CFAP44: variants seen among roughly 807,000 people sequenced by gnomAD.
The protein encoded by CFAP44 is cilia- and flagella-associated protein 44.
In CFAP44, 134 loss-of-function variants were observed where a neutral mutation model predicts 216.2. The ratio of observed to expected loss-of-function variants is 0.62; its 90% CI spans 0.54 to 0.72. The LOEUF is 0.72. CFAP44 is among the 30% of genes least tolerant of loss of function. CFAP44 has a pLI of 0.00. For missense variants in CFAP44, 2,035 were observed against 2,182.1 expected, an observed-to-expected ratio of 0.93 and a Z score of 1.34; for synonymous variants, 700 against 727.6, an observed-to-expected ratio of 0.96 and a Z score of 0.61.
chr3:113,341,915 C>G lies in CFAP44; in HGVS notation c.3266G>C (p.Gly1089Ala), dbSNP rs1006738984. 3 of 1,517,154 alleles carry G rather than the reference C, an allele frequency of 2.0e-6. No homozygotes were observed. Among genetic ancestry groups the G allele is most frequent in the Non-Finnish European group, 2.6e-6 (3 of 1,142,128 alleles). The allele number at this position is 1,517,154 out of a possible 1,614,324, so 94.0% of individuals were successfully genotyped here. The change falls in exon 24 of 35, where the codon GGG (glycine) becomes GCG (alanine). Residue 1089 changes from glycine (G) to alanine (A), a missense_variant. Gly to Ala is a moderately conservative substitution (Grantham distance 60). Transcript: ENST00000393845. ...GRKDSQRDAG[G>A]SVTIQEESII... ...TGATTCTTCTTGTATGGTAACACTC[C>G]CACCTACATAGAGAATCAACATTTT... is the stretch of plus-strand genomic sequence containing the variant.
intron 23 of CFAP44, among the ~76,000 whole-genome samples, chr3:113,344,138 C>A (rs543534098): frequency 6.6e-6 from 1 of 152,298 alleles, no homozygotes; most frequent in East Asian, 1.9e-4. Flanking sequence ...GAATCTAAAA[C>A]GAACCACTGC....
chr3:113,427,185 A>G lies in CFAP44; in HGVS notation c.253+2T>C. On this transcript the variant is annotated splice_donor_variant, in intron 3 of 34. Coordinates refer to ENST00000393845, the MANE Select transcript of CFAP44 (RefSeq NM_001164496.2). LOFTEE classifies it high-confidence loss of function. ...TACTGACAGAAAACTAATAATACCT[A>G]CCTGTAGTGCTTTGCAAATCACCAT... 6.2e-7 allele frequency: 1 copy of G among 1,610,880 alleles called. No homozygotes were observed. The highest frequency in any genetic ancestry group is 8.5e-7 in the Non-Finnish European group (1 of 1,179,220).
chr3:113,431,938 T>C (rs1470641777), intron 2 of CFAP44, among the ~76,000 whole-genome samples: 1 of 152,202 alleles, frequency 6.6e-6, no homozygotes, highest in African/African-American at 2.4e-5. Flanking sequence ...ATAAAATTCC[T>C]CCTTTTTTCT....
At chr3:113,429,545 T>G (rs1057240958) in intron 2 of CFAP44, among the ~76,000 whole-genome samples, 14 of 152,138 alleles carry the variant, frequency 9.2e-5, no homozygotes, top group South Asian at 4.1e-4. Context: ...CATCATATAG[T>G]TGGTTCTTGT....
intron 15 of CFAP44, among the ~76,000 whole-genome samples, chr3:113,387,701 A>G (rs1933686181): frequency 1.3e-5 from 2 of 151,986 alleles, no homozygotes; most frequent in African/African-American, 4.8e-5. Flanking sequence ...CTTGCAGTTT[A>G]GGTACCAGCT....
rs748602121 is a variant in CFAP44, at chr3:113,395,819, A to G, written c.1821T>C (p.Asp607=). 7.4e-6 allele frequency: 12 copies of G among 1,613,878 alleles called. No homozygotes were observed. The highest frequency in any genetic ancestry group is 1.0e-5 in the Non-Finnish European group (12 of 1,179,950). The change falls in exon 15 of 35, where the codon GAT becomes GAC. Residue 607 remains aspartate (D), a synonymous_variant. Coordinates refer to ENST00000393845, the MANE Select transcript of CFAP44 (RefSeq NM_001164496.2). ...TATTAATATAACCAATCGGCTTATA[A>G]TCCCTTTCCACTTCAAAGAAGAAAA... ...QTVFFFEVER[D]YKPIGYINTP...
At chr3:113,333,294 T>G (rs986332040) in intron 25 of CFAP44, 112 bp downstream of exon 25, 1 of 948,440 alleles carries the variant, frequency 1.1e-6, no homozygotes, top group African/African-American at 1.7e-5. Flanking sequence ...AGTTCTAAAT[T>G]TCTATGGTTA....
In CFAP44 at chr3:113,358,764, G is replaced by A; in HGVS notation, c.3046C>T (p.Leu1016=). ...AWEKEKHELG[L]MKLKNRFRDP... is the part of the protein sequence containing the mutation. ...TCCTACCGATTCTTTAGCTTCATTA[G>A]GCCGAGTTCATGTTTCTCTTTTTCC... is the stretch of plus-strand genomic sequence containing the variant. The change falls in exon 22 of 35, where the codon CTA becomes TTA. Residue 1016 remains leucine, a synonymous_variant. Transcript: ENST00000393845. 1 of 1,536,572 alleles carries A rather than the reference G, an allele frequency of 6.5e-7. No homozygotes were observed. The highest frequency in any genetic ancestry group is 1.2e-5 in the South Asian group (1 of 84,018).
At chr3:113,346,486 T>C (rs1297940529) in intron 22 of CFAP44, among the ~76,000 whole-genome samples, 1 of 151,976 alleles carries the variant, frequency 6.6e-6, no homozygotes, top group Admixed American at 6.6e-5. Context: ...ATCAGCACTC[T>C]GTAAAAATGC....
At chr3:113,435,990 T>C (rs188218886) in intron 1 of CFAP44, among the ~76,000 whole-genome samples, 13 of 151,830 alleles carry the variant, frequency 8.6e-5, no homozygotes, top group Non-Finnish European at 1.9e-4. Context: ...CACCTAATTG[T>C]AGAATATATA....
rs1043125251 is a variant in CFAP44 at position 113,291,408 on chromosome 3, T to C, written c.*149A>G. 6.7e-6 allele frequency: 6 copies of C among 897,532 alleles called. 1 individual carries two copies. The South Asian group carries it at 9.0e-5, about 14-fold the overall frequency. The allele number at this position is 897,532 out of a possible 1,614,324, so 55.6% of individuals were successfully genotyped here. A position where few individuals can be genotyped will look rare whatever the true frequency, so the allele number is the denominator to read the frequency against. ...CTAAGATAACCAAATTGTAGAGAGA[T>C]TCTTAAAGTGACTTAACGTGACTGG... On this transcript the variant is annotated 3_prime_UTR_variant, in exon 35 of 35. Coordinates refer to ENST00000393845, the MANE Select transcript of CFAP44 (RefSeq NM_001164496.2).
intron 25 of CFAP44, among the ~76,000 whole-genome samples, chr3:113,332,953 T>C (rs1027814902): frequency 2.6e-5 from 4 of 152,184 alleles, no homozygotes; most frequent in African/African-American, 9.7e-5. Flanking sequence ...AAACATGGTA[T>C]TTTAAGGAAA....
At chr3:113,340,924 G>T (rs1950327108) in intron 24 of CFAP44, among the ~76,000 whole-genome samples, 1 of 152,194 alleles carries the variant, frequency 6.6e-6, no homozygotes, top group Non-Finnish European at 1.5e-5. Flanking sequence ...AAGGGAGATG[G>T]TTTTTCCCTG....
intron 34 of CFAP44, chr3:113,294,252 C>A: frequency 3.8e-6 from 1 of 263,224 alleles, no homozygotes; most frequent in African/African-American, 2.3e-5. Flanking sequence ...TATGTAATAG[C>A]AAGTTGAAAC....
intron 19 of CFAP44, among the ~76,000 whole-genome samples, chr3:113,365,508 C>G (rs1158742049): frequency 6.6e-6 from 1 of 152,218 alleles, no homozygotes; most frequent in South Asian, 2.1e-4. Flanking sequence ...ATTTGGGGAT[C>G]TGAACCCTCA....
At chr3:113,423,499 C>G (rs1934877804) in intron 4 of CFAP44, among the ~76,000 whole-genome samples, 1 of 152,056 alleles carries the variant, frequency 6.6e-6, no homozygotes, top group South Asian at 2.1e-4. Flanking sequence ...TTCTGAAAAT[C>G]TTAAAATGTG....
intron 15 of CFAP44, among the ~76,000 whole-genome samples, chr3:113,381,922 G>A (rs1388701199): frequency 6.6e-6 from 1 of 152,168 alleles, no homozygotes; most frequent in Non-Finnish European, 1.5e-5. Flanking sequence ...GTCCTGCAGA[G>A]GTGTCATAAG....
chr3:113,428,214 G>C (rs1296931625), intron 2 of CFAP44, among the ~76,000 whole-genome samples: 1 of 152,220 alleles, frequency 6.6e-6, no homozygotes, highest in Non-Finnish European at 1.5e-5. Context: ...AGCAACCAAA[G>C]ACTATTTCCT....
intron 28 of CFAP44, among the ~76,000 whole-genome samples, chr3:113,316,038 ATG>A (rs1402493704): frequency 2.6e-5 from 4 of 152,246 alleles, no homozygotes; most frequent in African/African-American, 7.2e-5. Context: ...GATAGATCAT[ATG>A]TTAGACCATA....
Sources: gnomAD v4.1 joint callset for allele counts (sites outside exome capture counted in the v4.1 genomes callset) on GRCh38, gnomAD v4.1.1 for gene constraint, MANE v1.5 for transcripts, NCBI Gene and HGNC (gene_info 2026-07-23, HGNC 2026-07-21) for gene names.